Variants in DHRSX observed in about 807,000 individuals in gnomAD.
DHRSX encodes polyprenol dehydrogenase.
In DHRSX, 31 loss-of-function variants were observed where a neutral mutation model predicts 34.0. The observed-to-expected ratio is 0.91, with a 90% CI of 0.69 to 1.23. The LOEUF (loss-of-function observed/expected upper bound fraction) is 1.23. Among genes scored for constraint, DHRSX ranks in the 50% most tolerant of loss-of-function variants. The probability of loss-of-function intolerance (pLI) is 0.00; values close to 1 mark genes in which losing one functional copy is unlikely to be tolerated. For synonymous variants in DHRSX, 201 were observed against 183.8 expected, an observed-to-expected ratio of 1.09 and a Z score of -0.76; for missense variants, 414 against 428.1, an observed-to-expected ratio of 0.97 and a Z score of 0.29.
chrX:2,439,449 T>C (rs2044037240), intron 1 of DHRSX, among the ~76,000 whole-genome samples: 1 of 152,190 alleles, frequency 6.6e-6, no homozygotes. Context: ...CTCAAGCTTT[T>C]TGGCACCAGG....
chrX:2,330,790 G>C (rs2042462118), intron 3 of DHRSX, among the ~76,000 whole-genome samples: 1 of 151,258 alleles, frequency 6.6e-6, no homozygotes, highest in Non-Finnish European at 1.5e-5. Context: ...ATAAGAGAAT[G>C]AGAAAGAGAG....
chrX:2,471,554 A>G lies in DHRSX; in HGVS notation c.109+29263T>C, dbSNP rs183771187. Reference sequence around the variant, plus strand: ...ACTGCAGCCTGGGCAACAAGAGCAAAACTCCATCTCAAAAAAAAAAAAAGA... The same window carrying G: ...ACTGCAGCCTGGGCAACAAGAGCAAGACTCCATCTCAAAAAAAAAAAAAGA... On this transcript the variant is annotated intron_variant, in intron 1 of 6. Transcript: ENST00000334651. 3.0e-3 allele frequency among the ~76,000 whole-genome samples: 444 copies of G among 147,524 alleles called. 10 individuals carry two copies. The highest frequency in any genetic ancestry group is 0.01 in the African/African-American group (387 of 38,264).
intron 5 of DHRSX, among the ~76,000 whole-genome samples, chrX:2,260,094 G>C (rs1475062791): frequency 6.7e-6 from 1 of 150,242 alleles, no homozygotes; most frequent in Admixed American, 6.6e-5. Flanking sequence ...CCCTGACCCT[G>C]TGGCTGCATC....
At chrX:2,493,227 G>A (rs140302401) in intron 1 of DHRSX, among the ~76,000 whole-genome samples, 8,454 of 152,190 alleles carry the variant, frequency 0.056, 336 homozygotes, top group South Asian at 0.15. Context: ...TGGGGCCCCT[G>A]GATTACACAG....
At chrX:2,400,750 C>A (rs2043475483) in intron 3 of DHRSX, among the ~76,000 whole-genome samples, 1 of 152,190 alleles carries the variant, frequency 6.6e-6, no homozygotes, top group Admixed American at 6.5e-5. Flanking sequence ...AGCATTCATC[C>A]TACACTTCAC....
At chrX:2,303,003 A>G (rs2042031626) in intron 3 of DHRSX, among the ~76,000 whole-genome samples, 1 of 152,098 alleles carries the variant, frequency 6.6e-6, no homozygotes, top group African/African-American at 2.4e-5. Context: ...TACTGCTGTA[A>G]TTTTCCACAA....
intron 5 of DHRSX, among the ~76,000 whole-genome samples, chrX:2,243,648 T>C (rs369860501): frequency 6.6e-6 from 1 of 151,566 alleles, no homozygotes; most frequent in Non-Finnish European, 1.5e-5. Context: ...CACCACACCC[T>C]GCTAATTTTT....
At chrX:2,453,987 A>G (rs1407315593) in intron 1 of DHRSX, among the ~76,000 whole-genome samples, 1 of 152,178 alleles carries the variant, frequency 6.6e-6, no homozygotes, top group African/African-American at 2.4e-5. Context: ...TCATTGCACA[A>G]TGTGTACTTG....
chrX:2,432,624 G>T lies in DHRSX; in HGVS notation c.110-7320C>A, dbSNP rs758860721. On this transcript the variant is annotated intron_variant, in intron 1 of 6. Transcript: ENST00000334651. ...GGGCGTTTTAATAAACCGTGTTGGGGCACGTGAAGCCACATTAGGAAACAG... is the reference window on the plus strand; with the variant it reads ...GGGCGTTTTAATAAACCGTGTTGGGTCACGTGAAGCCACATTAGGAAACAG... Among the ~76,000 whole-genome samples the T allele has an allele frequency of 1.4e-3, 207 of 152,244 alleles. 1 individual carries two copies. The highest frequency in any genetic ancestry group is 4.4e-3 in the African/African-American group (184 of 41,536).
At chrX:2,421,076 C>G (rs5939093) in intron 2 of DHRSX, among the ~76,000 whole-genome samples, 122,455 of 152,058 alleles carry the variant, frequency 0.81, 49,875 homozygotes, top group East Asian at 0.94. Context: ...ACTGCGTGTA[C>G]AAAATTATTA....
chrX:2,268,042 C>T (rs188529740), intron 4 of DHRSX, among the ~76,000 whole-genome samples: 9 of 152,314 alleles, frequency 5.9e-5, no homozygotes, highest in South Asian at 2.1e-4. Flanking sequence ...ATGCCGACCT[C>T]AGTATAAACA....
intron 4 of DHRSX, among the ~76,000 whole-genome samples, chrX:2,284,064 G>T (rs2041771667): frequency 6.6e-6 from 1 of 150,718 alleles, no homozygotes; most frequent in Non-Finnish European, 1.5e-5. Flanking sequence ...GACTTCATTT[G>T]TTCATTCATT....
At chrX:2,239,452 T>C (rs1421382549) in intron 6 of DHRSX, among the ~76,000 whole-genome samples, 1 of 150,646 alleles carries the variant, frequency 6.6e-6, no homozygotes, top group Non-Finnish European at 1.5e-5. Context: ...GAGCAAGACC[T>C]GGTCTCTAAA....
At chrX:2,288,491 T>A (rs2041831102) in intron 4 of DHRSX, among the ~76,000 whole-genome samples, 1 of 152,182 alleles carries the variant, frequency 6.6e-6, no homozygotes, top group East Asian at 1.9e-4. Context: ...TGCCTCGGCC[T>A]CCCAAAGTGC....
chrX:2,384,400 G>C (rs2043246619), intron 3 of DHRSX, among the ~76,000 whole-genome samples: 1 of 152,150 alleles, frequency 6.6e-6, no homozygotes, highest in Non-Finnish European at 1.5e-5. Context: ...GTGGTTGCAA[G>C]ACCTAAGGAA....
chrX:2,447,430 G>A (rs2044152840), intron 1 of DHRSX, among the ~76,000 whole-genome samples: 1 of 152,236 alleles, frequency 6.6e-6, no homozygotes, highest in East Asian at 1.9e-4. Context: ...CCAAGGGACC[G>A]CCACCTTGTA....
At chrX:2,454,839 G>T (rs6641735) in intron 1 of DHRSX, among the ~76,000 whole-genome samples, 6,290 of 152,126 alleles carry the variant, frequency 0.041, 223 homozygotes, top group East Asian at 0.081. Flanking sequence ...TTGGTTGGGC[G>T]TGGTGGCTCA....
At chrX:2,349,514 C>T (rs111357052) in intron 3 of DHRSX, among the ~76,000 whole-genome samples, 22,586 of 151,374 alleles carry the variant, frequency 0.15, 1,935 homozygotes, top group Non-Finnish European at 0.2. Flanking sequence ...GGTGAAACCC[C>T]GTGTCCACTA....
intron 3 of DHRSX, among the ~76,000 whole-genome samples, chrX:2,326,762 GCAGT>G (rs2042391283): frequency 1.3e-5 from 2 of 151,664 alleles, no homozygotes; most frequent in Admixed American, 1.3e-4. Flanking sequence ...TTACTTTAGC[GCAGT>G]CAAAGTGAAC....
Sources: allele counts gnomAD v4.1 joint callset (sites outside exome capture counted in the v4.1 genomes callset), GRCh38; gene constraint gnomAD v4.1.1; transcripts MANE v1.5; gene names NCBI Gene and HGNC (gene_info 2026-07-23, HGNC 2026-07-21).